Variants in SEMA4D observed in about 807,000 individuals in gnomAD.
The protein encoded by SEMA4D is semaphorin 4D.
Under a neutral mutation model 74.8 loss-of-function variants are expected in SEMA4D, and 22 were observed. The observed-to-expected ratio is 0.29, with a 90% CI of 0.21 to 0.42. The LOEUF (loss-of-function observed/expected upper bound fraction) is 0.42, where lower values mean the gene tolerates loss of function less well. Ranked by LOEUF, SEMA4D falls within the 10% of genes least tolerant of loss-of-function variation. SEMA4D has a pLI of 1.00. For missense variants in SEMA4D, 937 were observed against 1,118.4 expected, an observed-to-expected ratio of 0.84 and a Z score of 2.31; for synonymous variants, 445 against 463.7, an observed-to-expected ratio of 0.96 and a Z score of 0.52.
chr9:89,422,048 T>C lies in SEMA4D; in HGVS notation c.-243-16349A>G, dbSNP rs1847078756. ...TAAAATACAGTAATTGTAGAAAATT[T>C]GAAAAATTCAAGAAAGGCAAGAGAA... On this transcript the variant is annotated intron_variant, in intron 2 of 15. Coordinates refer to ENST00000422704, the MANE Select transcript of SEMA4D (RefSeq NM_001371194.2). Among the ~76,000 whole-genome samples the C allele has an allele frequency of 3.9e-5, 6 of 152,242 alleles. No homozygotes were observed. The South Asian group carries it at 1.2e-3, about 32-fold the overall frequency.
downstream of SEMA4D, among the ~76,000 whole-genome samples, chr9:89,375,398 C>T (rs920656216): frequency 3.3e-5 from 5 of 152,182 alleles, no homozygotes; most frequent in Admixed American, 6.5e-5. Flanking sequence ...AGCAAAGCTC[C>T]GTCTCCACAG....
chr9:89,444,489 G>A (rs1040509374), intron 2 of SEMA4D, among the ~76,000 whole-genome samples: 33 of 152,190 alleles, frequency 2.2e-4, no homozygotes, highest in African/African-American at 7.2e-4. Flanking sequence ...GTGGGATGGA[G>A]GATCCCCAGA....
chr9:89,434,000 C>G (rs1374998090), intron 2 of SEMA4D, among the ~76,000 whole-genome samples: 3 of 152,252 alleles, frequency 2.0e-5, no homozygotes, highest in Non-Finnish European at 4.4e-5. Context: ...ATGACTCACA[C>G]ATAGCACTTG....
At chr9:89,385,865 T>TGGGGGGGGGGGGGGG in intron 13 of SEMA4D, 2 of 213,328 alleles carry the variant, frequency 9.4e-6, no homozygotes, top group Non-Finnish European at 1.6e-5. Flanking sequence ...CCAGCGTGGA[T>TGGGGGGGGGGGGGGG]GCCCGCCCAC....
Position 89,378,693 on chromosome 9 carries a change from C to T in SEMA4D, c.*11G>A. On this transcript the variant is annotated 3_prime_UTR_variant, in exon 16 of 16. Coordinates refer to ENST00000422704, the MANE Select transcript of SEMA4D (RefSeq NM_001371194.2). Reference sequence around the variant, plus strand: ...CGCAGCCGAGGCACCAGCGGGGATGCACAGCCGGCCTCAGTCTCCATCTGC... The same window carrying T: ...CGCAGCCGAGGCACCAGCGGGGATGTACAGCCGGCCTCAGTCTCCATCTGC... The T allele has an allele frequency of 1.2e-6, 2 of 1,607,576 alleles. No individual in the cohort carries two copies. The highest frequency in any genetic ancestry group is 1.1e-5 in the South Asian group (1 of 90,890).
intron 2 of SEMA4D, among the ~76,000 whole-genome samples, chr9:89,443,545 C>T (rs904873144): frequency 2.6e-5 from 4 of 152,250 alleles, no homozygotes; most frequent in African/African-American, 9.6e-5. Flanking sequence ...GAAGCAGGTC[C>T]GGCCAGCAGC....
chr9:89,368,268 G>A (rs1381192872), intron 16 of SEMA4D: 1 of 152,296 alleles, frequency 6.6e-6, no homozygotes, highest in Non-Finnish European at 1.5e-5. Context: ...TCCCCAGAGG[G>A]GCCATTCTCT....
chr9:89,477,909 C>T (rs761680862), intron 1 of SEMA4D, among the ~76,000 whole-genome samples: 1 of 152,210 alleles, frequency 6.6e-6, no homozygotes, highest in Non-Finnish European at 1.5e-5. Context: ...GAGAGAAAAA[C>T]TCGCATAAAA....
At chr9:89,462,044 G>A (rs1857390066) in intron 1 of SEMA4D, among the ~76,000 whole-genome samples, 1 of 152,124 alleles carries the variant, frequency 6.6e-6, no homozygotes, top group African/African-American at 2.4e-5. Flanking sequence ...TTTAAGGCTA[G>A]GATGAGTTTT....
chr9:89,400,883 C>A (rs1187758403), intron 4 of SEMA4D, among the ~76,000 whole-genome samples: 1 of 152,154 alleles, frequency 6.6e-6, no homozygotes, highest in Non-Finnish European at 1.5e-5. Context: ...CACTGAACAC[C>A]TGTGGGGCCA....
At chr9:89,363,643 C>T in intron 17 of SEMA4D, 1 of 1,590,836 alleles carries the variant, frequency 6.3e-7, no homozygotes, top group Non-Finnish European at 8.6e-7. Context: ...CAGAATGCCA[C>T]CGTGCAAGCA....
At chr9:89,412,183 T>C (rs1844680209) in intron 2 of SEMA4D, among the ~76,000 whole-genome samples, 1 of 151,808 alleles carries the variant, frequency 6.6e-6, no homozygotes, top group South Asian at 2.1e-4. Context: ...AACACAAACA[T>C]CCCAGTGAGA....
intron 1 of SEMA4D, among the ~76,000 whole-genome samples, chr9:89,467,752 G>A (rs1041664170): frequency 2.6e-5 from 4 of 152,054 alleles, no homozygotes; most frequent in Admixed American, 6.5e-5. Flanking sequence ...GGCTGGTCTT[G>A]AACTTCTGAC....
intron 17 of SEMA4D, chr9:89,363,652 C>T: frequency 6.3e-7 from 1 of 1,591,762 alleles, no homozygotes; most frequent in Non-Finnish European, 8.6e-7. Context: ...ACCGTGCAAG[C>T]ATGCTTTCCA....
chr9:89,410,768 T>A (rs1844359059), intron 2 of SEMA4D, among the ~76,000 whole-genome samples: 1 of 152,106 alleles, frequency 6.6e-6, no homozygotes, highest in South Asian at 2.1e-4. Context: ...ACCAGACACA[T>A]CATCCTGAAA....
intron 1 of SEMA4D, among the ~76,000 whole-genome samples, chr9:89,460,114 C>T (rs1181692494): frequency 6.6e-6 from 1 of 152,228 alleles, no homozygotes; most frequent in African/African-American, 2.4e-5. Context: ...TGGCACGATG[C>T]ATCCCCCGCC....
In SEMA4D at chr9:89,378,872, G is replaced by A. The variant is rs1434032948; in HGVS notation, c.2421C>T (p.Pro807=). ...CATAGCCGGTGTCCAGGGCTGGCTTGGGGTGCTCCCCATTCTGCTGGGAGA... is the reference window on the plus strand; with the variant it reads ...CATAGCCGGTGTCCAGGGCTGGCTTAGGGTGCTCCCCATTCTGCTGGGAGA... ...GSFSQQNGEH[P]KPALDTGYET... Residue 807 remains proline (P), a synonymous_variant, in exon 16 of 16, where the codon CCC becomes CCT. Transcript: ENST00000422704. The A allele has an allele frequency of 5.0e-6, 8 of 1,614,176 alleles. No individual in the cohort carries two copies. The Admixed American group carries it at 6.7e-5, about 13-fold the overall frequency.
chr9:89,436,523 A>G (rs1191240756), intron 2 of SEMA4D: 1 of 152,394 alleles, frequency 6.6e-6, no homozygotes, highest in East Asian at 1.9e-4. Flanking sequence ...CTCCAGCCAC[A>G]ACAAGGCACC....
At chr9:89,445,569 T>C (rs1272549576) in intron 2 of SEMA4D, among the ~76,000 whole-genome samples, 1 of 152,106 alleles carries the variant, frequency 6.6e-6, no homozygotes, top group Admixed American at 6.5e-5. Context: ...CTTTGGTTAG[T>C]CAGGGTTCTC....
Sources: allele counts gnomAD v4.1 joint callset (sites outside exome capture counted in the v4.1 genomes callset), GRCh38; gene constraint gnomAD v4.1.1; transcripts MANE v1.5; gene names NCBI Gene and HGNC (gene_info 2026-07-23, HGNC 2026-07-21).